DPP6: variants seen among roughly 807,000 people sequenced by gnomAD.
DPP6 encodes the protein A-type potassium channel modulatory protein DPP6.
In DPP6, 69 loss-of-function variants were observed where a neutral mutation model predicts 122.6. That is an observed-to-expected ratio of 0.56 (90% confidence interval 0.46 to 0.69). The LOEUF is 0.69. Ranked by LOEUF, DPP6 falls within the 30% of genes least tolerant of loss-of-function variation. The pLI, the probability that DPP6 is intolerant of heterozygous loss-of-function variation, is 0.00. For synonymous variants in DPP6, 418 were observed against 433.1 expected (o/e 0.97, Z 0.43); for missense variants, 928 against 1,116.9 (o/e 0.83, Z 2.41).
intron 7 of DPP6, among the ~76,000 whole-genome samples, chr7:154,710,843 A>G (rs1841133027): frequency 2.6e-5 from 4 of 152,232 alleles, no homozygotes; most frequent in Admixed American, 2.6e-4. Context: ...GGGCTTCAGG[A>G]GCAGTAACTT....
chr7:154,727,824 C>A lies in DPP6; in HGVS notation c.820C>A (p.Arg274Ser). Reference sequence around the variant, plus strand: ...TGCACATGTCGGGAAACAGGCCATCCGTGTGGTCTCCACTGGCAAGGAAGG... The same window carrying A: ...TGCACATGTCGGGAAACAGGCCATCAGTGTGGTCTCCACTGGCAAGGAAGG... Reference protein sequence around the residue: ...YCAHVGKQAIRVVSTGKEGVI... With the variant: ...YCAHVGKQAISVVSTGKEGVI... The change falls in exon 8 of 26, where the codon CGT becomes AGT. Residue 274 changes from arginine (R) to serine (S), a missense_variant. Physicochemically the swap from Arg to Ser is moderately radical, Grantham distance 110. Coordinates refer to ENST00000377770, the MANE Select transcript of DPP6 (RefSeq NM_130797.4). The A allele has an allele frequency of 6.2e-7, 1 of 1,613,904 alleles. No homozygotes were observed. The highest frequency in any genetic ancestry group is 8.5e-7 in the Non-Finnish European group (1 of 1,179,856).
At chr7:154,556,424 G>T (rs896596572) in intron 4 of DPP6, among the ~76,000 whole-genome samples, 4 of 152,140 alleles carry the variant, frequency 2.6e-5, no homozygotes, top group Non-Finnish European at 5.9e-5. Flanking sequence ...ATATAAACAA[G>T]TATTTGACAT....
intron 1 of DPP6, among the ~76,000 whole-genome samples, chr7:153,926,323 A>T (rs1273277131): frequency 6.6e-6 from 1 of 152,228 alleles, no homozygotes; most frequent in Non-Finnish European, 1.5e-5. Context: ...TCACATTTCT[A>T]TCCTATTAGG....
chr7:154,016,179 C>T (rs1053212980), intron 1 of DPP6, among the ~76,000 whole-genome samples: 18 of 152,230 alleles, frequency 1.2e-4, no homozygotes, highest in Admixed American at 3.9e-4. Flanking sequence ...AATCTCTCTC[C>T]CCCCGCCACA....
At chr7:154,801,514 C>A in intron 13 of DPP6, 52 bp downstream of exon 13, 1 of 1,515,684 alleles carries the variant, frequency 6.6e-7, no homozygotes, top group Non-Finnish European at 8.9e-7. Context: ...TGCTAGAGGC[C>A]GTGGGGTGAC....
chr7:154,029,864 A>G (rs1218120848), intron 1 of DPP6, among the ~76,000 whole-genome samples: 1 of 149,156 alleles, frequency 6.7e-6, no homozygotes, highest in Non-Finnish European at 1.5e-5. Context: ...AAAGTAAAGA[A>G]AAAAGAAAAA....
intron 1 of DPP6, among the ~76,000 whole-genome samples, chr7:154,030,916 A>G (rs1799192715): frequency 6.6e-6 from 1 of 152,052 alleles, no homozygotes; most frequent in African/African-American, 2.4e-5. Context: ...TACACAAAAT[A>G]ACGTAAGCCC....
intron 16 of DPP6, among the ~76,000 whole-genome samples, chr7:154,807,559 G>A (rs1462841696): frequency 2.0e-5 from 3 of 152,158 alleles, no homozygotes; most frequent in Non-Finnish European, 4.4e-5. Flanking sequence ...GGTGGCTCAC[G>A]CTTGTAATCC....
chr7:153,927,994 G>A (rs534370481), intron 1 of DPP6, among the ~76,000 whole-genome samples: 28 of 152,244 alleles, frequency 1.8e-4, no homozygotes, highest in African/African-American at 6.3e-4. Context: ...TCACTCAAGG[G>A]ACCCTCCGCC....
chr7:154,436,285 C>T (rs1311768036), intron 1 of DPP6, among the ~76,000 whole-genome samples: 1 of 151,462 alleles, frequency 6.6e-6, no homozygotes, highest in Admixed American at 6.6e-5. Flanking sequence ...CAGGTTACAA[C>T]CGCTCCATTG....
intron 1 of DPP6, among the ~76,000 whole-genome samples, chr7:154,388,585 C>T (rs1249734436): frequency 6.6e-6 from 1 of 152,066 alleles, no homozygotes; most frequent in African/African-American, 2.4e-5. Flanking sequence ...ATAATGAGTG[C>T]ATTATCTCTG....
intron 1 of DPP6, among the ~76,000 whole-genome samples, chr7:154,337,866 A>G (rs943242042): frequency 5.3e-5 from 8 of 152,108 alleles, no homozygotes; most frequent in African/African-American, 1.7e-4. Flanking sequence ...GGTGCTCCTG[A>G]AGGATTTGTT....
chr7:154,628,829 T>A (rs979997484), intron 5 of DPP6, among the ~76,000 whole-genome samples: 1 of 152,144 alleles, frequency 6.6e-6, no homozygotes, highest in African/African-American at 2.4e-5. Context: ...AATTAATTAC[T>A]AAAACCAGCC....
chr7:154,848,514 G>T, intron 16 of DPP6, among the ~76,000 whole-genome samples: 1 of 152,196 alleles, frequency 6.6e-6, no homozygotes, highest in Admixed American at 6.5e-5. Context: ...AGGGTTGTTT[G>T]TTTTCTTGCT....
upstream of DPP6, among the ~76,000 whole-genome samples, chr7:153,884,989 T>TACATAC (rs199862382): frequency 1.5e-3 from 26 of 17,044 alleles, 1 homozygote; most frequent in South Asian, 0.045. Context: ...AAAACAAAAA[T>TACATAC]ATATATATAT....
At chr7:154,276,751 A>C (rs1028440724) in intron 1 of DPP6, among the ~76,000 whole-genome samples, 9 of 152,236 alleles carry the variant, frequency 5.9e-5, no homozygotes, top group Admixed American at 2.0e-4. Flanking sequence ...ATGTAAGGTT[A>C]GGTTCCTTCA....
chr7:154,803,264 C>A lies in DPP6; in HGVS notation c.1408-600C>A, dbSNP rs554170497. Among the ~76,000 whole-genome samples, 19 of 152,326 alleles carry A rather than the reference C, an allele frequency of 1.2e-4. No individual in the cohort carries two copies. The East Asian group carries it at 3.1e-3, about 25-fold the overall frequency. ...GAAACATCGCTCCCGCCTAGATGGC[C>A]CTGTCTCTCTCTTCTGTTACCATTG... On this transcript the variant is annotated intron_variant, in intron 13 of 25. Transcript: ENST00000377770.
intron 1 of DPP6, among the ~76,000 whole-genome samples, chr7:154,045,350 G>C (rs2129059238): frequency 6.6e-6 from 1 of 152,270 alleles, no homozygotes; most frequent in Non-Finnish European, 1.5e-5. Flanking sequence ...AAATCTTCCA[G>C]GTCACCTTGG....
chr7:154,265,569 A>G (rs945673865), intron 1 of DPP6, among the ~76,000 whole-genome samples: 6 of 152,208 alleles, frequency 3.9e-5, no homozygotes, highest in Non-Finnish European at 7.3e-5. Flanking sequence ...AAATTGTTCA[A>G]TCATAGTATT....
Sources: allele counts gnomAD v4.1 joint callset (sites outside exome capture counted in the v4.1 genomes callset), GRCh38; gene constraint gnomAD v4.1.1; transcripts MANE v1.5; gene names NCBI Gene and HGNC (gene_info 2026-07-23, HGNC 2026-07-21).